Variants in JAZF1 observed in about 807,000 individuals in gnomAD.
JAZF1 encodes the protein juxtaposed with another zinc finger protein 1.
A neutral mutation model predicts 26.4 loss-of-function variants in JAZF1; 8 were observed. The observed-to-expected ratio is 0.30, with a 90% CI of 0.18 to 0.55. The LOEUF (loss-of-function observed/expected upper bound fraction) is 0.55, where lower values mean the gene tolerates loss of function less well. Ranked by LOEUF, JAZF1 falls within the 20% of genes least tolerant of loss-of-function variation. The probability of loss-of-function intolerance (pLI) is 0.94; values close to 1 mark genes in which losing one functional copy is unlikely to be tolerated. For missense variants in JAZF1, 199 were observed against 322.0 expected (o/e 0.62, Z 2.92); for synonymous variants, 126 against 122.3 (o/e 1.03, Z -0.20).
At chr7:28,059,931 T>C (rs996434634) in intron 1 of JAZF1, among the ~76,000 whole-genome samples, 2 of 152,210 alleles carry the variant, frequency 1.3e-5, no homozygotes, top group African/African-American at 4.8e-5. Context: ...GGCATACGGA[T>C]CTCTTTTAAA....
At chr7:28,125,705 G>A (rs901281866) in intron 1 of JAZF1, among the ~76,000 whole-genome samples, 1 of 152,048 alleles carries the variant, frequency 6.6e-6, no homozygotes. Context: ...AAGCTGCCAG[G>A]GTTGCCCATC....
At chr7:27,925,919 T>C (rs1003014810) in intron 2 of JAZF1, among the ~76,000 whole-genome samples, 1 of 152,164 alleles carries the variant, frequency 6.6e-6, no homozygotes, top group Non-Finnish European at 1.5e-5. Context: ...AAGAAAGGTG[T>C]ACTAAAAACC....
intron 1 of JAZF1, among the ~76,000 whole-genome samples, chr7:28,022,333 T>C (rs1783019775): frequency 6.6e-6 from 1 of 152,172 alleles, no homozygotes; most frequent in Admixed American, 6.5e-5. Flanking sequence ...GAAAAAATCT[T>C]TTCAAATTTC....
chr7:27,864,248 A>G (rs1188814899), intron 3 of JAZF1, among the ~76,000 whole-genome samples: 1 of 152,036 alleles, frequency 6.6e-6, no homozygotes, highest in African/African-American at 2.4e-5. Context: ...AAAGCTATTC[A>G]AATCAACATC....
At chr7:27,839,435 T>C (rs1489411124) in intron 4 of JAZF1, among the ~76,000 whole-genome samples, 1 of 152,182 alleles carries the variant, frequency 6.6e-6, no homozygotes, top group Non-Finnish European at 1.5e-5. Flanking sequence ...TCTGGAAAAA[T>C]GGGCTTGTCC....
intron 2 of JAZF1, among the ~76,000 whole-genome samples, chr7:27,920,213 C>T (rs1157332615): frequency 6.6e-6 from 1 of 152,176 alleles, no homozygotes; most frequent in Non-Finnish European, 1.5e-5. Context: ...AAATTACTTA[C>T]ATCATTAAAA....
intron 1 of JAZF1, among the ~76,000 whole-genome samples, chr7:28,061,880 A>G (rs1412283952): frequency 6.6e-6 from 1 of 152,234 alleles, no homozygotes; most frequent in East Asian, 1.9e-4. Flanking sequence ...TATCATGAAC[A>G]CATTTTGCCC....
intron 3 of JAZF1, among the ~76,000 whole-genome samples, chr7:27,851,104 G>A (rs994038297): frequency 6.6e-6 from 1 of 152,012 alleles, no homozygotes; most frequent in African/African-American, 2.4e-5. Flanking sequence ...CACCACGCCT[G>A]GCTAGTTTTT....
At chr7:27,874,451 C>T (rs750305238) in intron 3 of JAZF1, among the ~76,000 whole-genome samples, 4 of 152,240 alleles carry the variant, frequency 2.6e-5, no homozygotes, top group South Asian at 2.1e-4. Flanking sequence ...CCTGGCCCAA[C>T]GAGAGCAGGA....
rs11316118 is a variant in JAZF1, at chr7:27,861,551, C to CT, written c.386-20685dup. 5.6e-4 allele frequency among the ~76,000 whole-genome samples: 84 copies of CT among 148,916 alleles called. 1 individual carries two copies. In the South Asian group the frequency reaches 7.2e-3, roughly 13 times the overall value. ...ATTTCCAAAGACTACTTTTTTTATT[C>CT]TTTTTTTTTTCATGCACAAAGCTTT... is the stretch of plus-strand genomic sequence containing the variant. On this transcript the variant is annotated intron_variant, in intron 3 of 4. Coordinates refer to ENST00000283928, the MANE Select transcript of JAZF1 (RefSeq NM_175061.4).
chr7:28,159,792 T>TAC (rs1783251722), intron 1 of JAZF1, among the ~76,000 whole-genome samples: 1 of 152,134 alleles, frequency 6.6e-6, no homozygotes, highest in African/African-American at 2.4e-5. Flanking sequence ...ACACATAGCC[T>TAC]ATTATACTGT....
At chr7:27,889,133 C>A (rs949637067) in intron 3 of JAZF1, among the ~76,000 whole-genome samples, 1 of 152,166 alleles carries the variant, frequency 6.6e-6, no homozygotes, top group Non-Finnish European at 1.5e-5. Flanking sequence ...AACTACCCAC[C>A]CAAAAGAGCT....
At chr7:28,083,086 C>G (rs1784161185) in intron 1 of JAZF1, among the ~76,000 whole-genome samples, 2 of 152,200 alleles carry the variant, frequency 1.3e-5, no homozygotes, top group South Asian at 4.1e-4. Flanking sequence ...TCCAAATCCC[C>G]TCTACCTGGC....
intron 1 of JAZF1, among the ~76,000 whole-genome samples, chr7:28,151,800 AAC>A (rs1783115787): frequency 6.6e-6 from 1 of 152,168 alleles, no homozygotes; most frequent in South Asian, 2.1e-4. Flanking sequence ...TCAAAAAAAA[AAC>A]ACAGAGGATA....
chr7:27,846,962 T>C (rs1312900304), intron 3 of JAZF1, among the ~76,000 whole-genome samples: 1 of 134,490 alleles, frequency 7.4e-6, no homozygotes, highest in East Asian at 1.9e-4. Flanking sequence ...GATGTAGCCT[T>C]ATCTGTTTTT....
chr7:27,980,769 G>C (rs1785567770), intron 2 of JAZF1, among the ~76,000 whole-genome samples: 1 of 151,910 alleles, frequency 6.6e-6, no homozygotes, highest in Admixed American at 6.6e-5. Flanking sequence ...GTCATATTTA[G>C]CCTACTGTTG....
intron 3 of JAZF1, among the ~76,000 whole-genome samples, chr7:27,892,016 G>A (rs966252018): frequency 6.6e-6 from 1 of 152,212 alleles, no homozygotes; most frequent in Non-Finnish European, 1.5e-5. Context: ...AAGTGGGAAT[G>A]CACCATGAAT....
At chr7:27,896,844 G>A (rs957046853) in intron 2 of JAZF1, among the ~76,000 whole-genome samples, 4 of 152,186 alleles carry the variant, frequency 2.6e-5, no homozygotes, top group Admixed American at 2.0e-4. Context: ...ATGCTGAACT[G>A]AGCTTAGTAA....
chr7:27,857,468 CG>C (rs1299455621), intron 3 of JAZF1, among the ~76,000 whole-genome samples: 9 of 152,332 alleles, frequency 5.9e-5, no homozygotes, highest in Admixed American at 1.3e-4. Flanking sequence ...AACAGTGCAG[CG>C]GCAGGCTGAA....
Sources: gnomAD v4.1 joint callset for allele counts (sites outside exome capture counted in the v4.1 genomes callset) on GRCh38, gnomAD v4.1.1 for gene constraint, MANE v1.5 for transcripts, NCBI Gene and HGNC (gene_info 2026-07-23, HGNC 2026-07-21) for gene names.